Variants in EFCAB12 observed in about 807,000 individuals in gnomAD.
EFCAB12 encodes the protein EF-hand calcium binding domain 12.
In EFCAB12, 43 loss-of-function variants were observed where a neutral mutation model predicts 53.6. The observed-to-expected ratio is 0.80, with a 90% CI of 0.63 to 1.03. The LOEUF (loss-of-function observed/expected upper bound fraction) is 1.03, where lower values mean the gene tolerates loss of function less well. Among genes scored for constraint, EFCAB12 ranks in the 50% least tolerant of loss-of-function variants. The probability of loss-of-function intolerance (pLI) is 0.00; values close to 1 mark genes in which losing one functional copy is unlikely to be tolerated. For missense variants in EFCAB12, 646 were observed against 730.6 expected (o/e 0.88, Z 1.34); for synonymous variants, 269 against 289.2 (o/e 0.93, Z 0.71).
chr3:129,406,061 A>G (rs1320250713), intron 6 of EFCAB12, among the ~76,000 whole-genome samples: 1 of 152,040 alleles, frequency 6.6e-6, no homozygotes, highest in Non-Finnish European at 1.5e-5. Flanking sequence ...AAAAAAAAAA[A>G]AAGTGGCTCG....
intron 1 of EFCAB12, among the ~76,000 whole-genome samples, chr3:129,423,428 G>A (rs9852348): frequency 0.064 from 9,708 of 151,874 alleles, 938 homozygotes; most frequent in East Asian, 0.44. Flanking sequence ...GGAGTTCAAG[G>A]CCAGCCTGGG....
intron 1 of EFCAB12, among the ~76,000 whole-genome samples, chr3:129,423,817 C>G (rs1047830070): frequency 6.6e-6 from 1 of 152,130 alleles, no homozygotes; most frequent in Non-Finnish European, 1.5e-5. Flanking sequence ...TCCGATTTCT[C>G]TGGCTCCTTC....
At chr3:129,424,252 A>G (rs1318155971) in intron 1 of EFCAB12, among the ~76,000 whole-genome samples, 1 of 152,196 alleles carries the variant, frequency 6.6e-6, no homozygotes, top group African/African-American at 2.4e-5. Flanking sequence ...AAATAAGAAA[A>G]GTAAACATCA....
chr3:129,402,522 C>G lies in EFCAB12; in HGVS notation c.1460+1G>C. 1 of 1,612,250 alleles carries G rather than the reference C, an allele frequency of 6.2e-7. No individual in the cohort carries two copies. The highest frequency in any genetic ancestry group is 8.5e-7 in the Non-Finnish European group (1 of 1,179,052). The stretch of plus-strand genomic sequence containing the variant: ...TGTGGAGTTAGATGATTGCCACAGA[C>G]CTGGTAAATTCCTCAAACTCCTTAA... On this transcript the variant is annotated splice_donor_variant, in intron 8 of 8. Transcript: ENST00000505956. LOFTEE classifies it high-confidence loss of function.
intron 6 of EFCAB12, 92 bp downstream of exon 6, chr3:129,408,553 A>G (rs932013411): frequency 5.2e-6 from 7 of 1,353,248 alleles, no homozygotes; most frequent in Non-Finnish European, 7.1e-6. Flanking sequence ...AGTGGCTTGA[A>G]TGGCTGCATG....
chr3:129,416,593 A>G (rs889501872), intron 3 of EFCAB12, among the ~76,000 whole-genome samples: 1 of 152,246 alleles, frequency 6.6e-6, no homozygotes, highest in Non-Finnish European at 1.5e-5. Context: ...ATAATAATTT[A>G]AAACCACGAA....
rs1351588739 is a variant in EFCAB12, at chr3:129,428,435, C to T, written c.49+5G>A. ...TCCCTGCAGACGCTTCTTCCCGGGG[C>T]TTACCGAGCAGCGACAAGAACAGAC... On this transcript the variant is annotated splice_donor_5th_base_variant and intron_variant, in intron 1 of 8. Coordinates refer to ENST00000505956, the MANE Select transcript of EFCAB12 (RefSeq NM_207307.3). The T allele has an allele frequency of 6.2e-7, 1 of 1,606,398 alleles. No individual in the cohort carries two copies. The highest frequency in any genetic ancestry group is 1.3e-5 in the African/African-American group (1 of 74,822).
intron 1 of EFCAB12, among the ~76,000 whole-genome samples, chr3:129,426,565 T>C (rs1425659571): frequency 1.3e-5 from 2 of 151,746 alleles, no homozygotes; most frequent in African/African-American, 4.8e-5. Flanking sequence ...GGGGTTTCAC[T>C]GTGTTAGCCA....
chr3:129,427,296 A>G (rs1330377568), intron 1 of EFCAB12, among the ~76,000 whole-genome samples: 5 of 152,122 alleles, frequency 3.3e-5, no homozygotes, highest in Non-Finnish European at 7.4e-5. Flanking sequence ...AGCTACTGAC[A>G]AGGATCTTAA....
intron 3 of EFCAB12, 54 bp downstream of exon 3, chr3:129,418,200 T>C (rs949656785): frequency 3.5e-5 from 52 of 1,485,070 alleles, no homozygotes; most frequent in Non-Finnish European, 4.6e-5. Context: ...AAAGAGGGAG[T>C]ACATGTACAT....
chr3:129,401,987 C>T, intron 8 of EFCAB12, 136 bp from the exon 9 acceptor site: 4 of 1,265,092 alleles, frequency 3.2e-6, no homozygotes, highest in Non-Finnish European at 3.2e-6. Flanking sequence ...CAGTCCTCCC[C>T]ACAGTTCCAT....
intron 6 of EFCAB12, among the ~76,000 whole-genome samples, chr3:129,405,667 C>T (rs1354091920): frequency 6.6e-6 from 1 of 152,176 alleles, no homozygotes; most frequent in Non-Finnish European, 1.5e-5. Context: ...AGAATTCTGG[C>T]TCCTGAGCTT....
At chr3:129,411,546 C>T in intron 4 of EFCAB12, 192 bp from the exon 5 acceptor site, 1 of 522,142 alleles carries the variant, frequency 1.9e-6, no homozygotes. Flanking sequence ...TCCATCTCCA[C>T]TAATGGCGTC....
At chr3:129,407,151 C>T (rs1448780886) in intron 6 of EFCAB12, among the ~76,000 whole-genome samples, 1 of 152,192 alleles carries the variant, frequency 6.6e-6, no homozygotes, top group Admixed American at 6.5e-5. Context: ...AACAGGTGTG[C>T]ATGTGCAGAG....
chr3:129,419,426 G>C (rs2072160653), intron 2 of EFCAB12, among the ~76,000 whole-genome samples: 5 of 152,200 alleles, frequency 3.3e-5, no homozygotes, highest in Admixed American at 3.3e-4. Flanking sequence ...GGTATTAACA[G>C]GTGGGGCCTT....
chr3:129,406,608 T>C (rs1244107189), intron 6 of EFCAB12, among the ~76,000 whole-genome samples: 2 of 152,058 alleles, frequency 1.3e-5, no homozygotes, highest in Non-Finnish European at 2.9e-5. Context: ...GCTCAAGTGA[T>C]CCTCCTACCT....
At chr3:129,425,379 C>T (rs1200595449) in intron 1 of EFCAB12, among the ~76,000 whole-genome samples, 1 of 152,196 alleles carries the variant, frequency 6.6e-6, no homozygotes, top group African/African-American at 2.4e-5. Context: ...CTGCTCCCCA[C>T]TCTTCCCTTG....
chr3:129,425,867 C>T (rs369283182), intron 1 of EFCAB12, among the ~76,000 whole-genome samples: 1 of 152,204 alleles, frequency 6.6e-6, no homozygotes, highest in Admixed American at 6.5e-5. Flanking sequence ...TCTCCTGTGA[C>T]GTGGAACTTT....
rs1023699358 is a variant in EFCAB12 at position 129,404,240 on chromosome 3, G to A, written c.1403+10C>T. ...GCCAAGGCAGGGAGAAAGGGGGTCCGAAACTCAGCTTGTCAGTCCTCTTAG... is the reference window on the plus strand; with the variant it reads ...GCCAAGGCAGGGAGAAAGGGGGTCCAAAACTCAGCTTGTCAGTCCTCTTAG... On this transcript the variant is annotated intron_variant, in intron 7 of 8. Coordinates refer to ENST00000505956, the MANE Select transcript of EFCAB12 (RefSeq NM_207307.3). 6.2e-6 allele frequency: 10 copies of A among 1,610,290 alleles called. No individual in the cohort carries two copies. Among genetic ancestry groups the A allele is most frequent in the South Asian group, 2.2e-5 (2 of 90,652 alleles).
Sources: allele counts gnomAD v4.1 joint callset (sites outside exome capture counted in the v4.1 genomes callset), GRCh38; gene constraint gnomAD v4.1.1; transcripts MANE v1.5; gene names NCBI Gene and HGNC (gene_info 2026-07-23, HGNC 2026-07-21).